PEG3: variants seen among roughly 807,000 people sequenced by gnomAD.
PEG3 encodes the protein paternally-expressed gene 3 protein.
A neutral mutation model predicts 35.5 loss-of-function variants in PEG3; 23 were observed. That is an observed-to-expected ratio of 0.65 (90% CI 0.47 to 0.92). The LOEUF is 0.92. Ranked by LOEUF, PEG3 falls within the 40% of genes least tolerant of loss-of-function variation. The pLI, the probability that PEG3 is intolerant of heterozygous loss-of-function variation, is 0.00. For missense variants in PEG3, 1,960 were observed against 1,985.3 expected, an observed-to-expected ratio of 0.99 and a Z score of 0.24; for synonymous variants, 707 against 697.0, an observed-to-expected ratio of 1.01 and a Z score of -0.23.
At chr19:56,830,899 C>T (rs1440866772) in intron 2 of PEG3, among the ~76,000 whole-genome samples, 2 of 151,506 alleles carry the variant, frequency 1.3e-5, no homozygotes, top group South Asian at 2.1e-4. Context: ...TGCATTCCAG[C>T]CTGGGTGACA....
At chr19:56,839,270 T>C (rs1196178959) in intron 1 of PEG3, among the ~76,000 whole-genome samples, 2 of 149,954 alleles carry the variant, frequency 1.3e-5, no homozygotes, top group African/African-American at 4.9e-5. Context: ...CCATCAAACA[T>C]GGCATCTAGG....
Position 56,836,010 on chromosome 19 carries a change from C to G in PEG3, c.-163+8G>C, listed in dbSNP as rs1162380033. Reference sequence around the variant, plus strand: ...AATGTGGCACTGTGAGGAGGAAATTCAACTCACCTGGACCCAGCCACCTAG... The same window carrying G: ...AATGTGGCACTGTGAGGAGGAAATTGAACTCACCTGGACCCAGCCACCTAG... On this transcript the variant is annotated splice_region_variant and intron_variant, in intron 2 of 9. Coordinates refer to ENST00000326441, the MANE Select transcript of PEG3 (RefSeq NM_006210.3). The G allele has an allele frequency of 7.8e-6, 4 of 511,042 alleles. No individual in the cohort carries two copies. Among genetic ancestry groups the G allele is most frequent in the South Asian group, 5.8e-5 (4 of 69,350 alleles). 31.7% of individuals were successfully genotyped at this position (511,042 alleles called of 1,614,324 possible). A position where few individuals can be genotyped will look rare whatever the true frequency, so the allele number is the denominator to read the frequency against.
intron 2 of PEG3, among the ~76,000 whole-genome samples, chr19:56,832,917 A>C (rs2061709953): frequency 6.6e-6 from 1 of 152,182 alleles, no homozygotes; most frequent in Non-Finnish European, 1.5e-5. Context: ...ATGACACTTT[A>C]CTTCTATTCC....
chr19:56,826,742 A>G (rs530374567), intron 2 of PEG3, among the ~76,000 whole-genome samples: 1 of 152,384 alleles, frequency 6.6e-6, no homozygotes, highest in East Asian at 1.9e-4. Flanking sequence ...GAAAGCAGAA[A>G]TAAAAGTCTT....
chr19:56,816,915 G>A lies in PEG3; in HGVS notation c.1527C>T (p.Asp509=), dbSNP rs1442237718. 6.2e-7 allele frequency: 1 copy of A among 1,614,142 alleles called. No individual in the cohort carries two copies. The highest frequency in any genetic ancestry group is 8.5e-7 in the Non-Finnish European group (1 of 1,180,028). Residue 509 remains aspartate, a synonymous_variant, in exon 10 of 10, where the codon GAC becomes GAT. Transcript: ENST00000326441. Reference sequence around the variant, plus strand: ...CACTCTTATTGAAGGTCTCTCCACAGTCCTTACATTCAAAACGTTTCCCTC... The same window carrying A: ...CACTCTTATTGAAGGTCTCTCCACAATCCTTACATTCAAAACGTTTCCCTC... ...QVGGKRFECK[D]CGETFNKSAA...
Position 56,814,281 on chromosome 19 carries a change from A to T in PEG3, c.4161T>A (p.Ile1387=). The change falls in exon 10 of 10, where the codon ATT becomes ATA. Residue 1387 remains isoleucine (I), a synonymous_variant. Coordinates refer to ENST00000326441, the MANE Select transcript of PEG3 (RefSeq NM_006210.3). This position sits in a 1 kb window ranked among gnomAD's most constrained non-coding sequence, Gnocchi z 5.8. ...NVHVPQVVLR[I]QGLNVEAAEP... is the part of the protein sequence containing the mutation. ...CAGCAGCCTCTACGTTTAAGCCCTG[A>T]ATCCTCAGAACTACTTGTGGAACAT... The T allele has an allele frequency of 6.2e-7, 1 of 1,613,948 alleles. No homozygotes were observed. Among genetic ancestry groups the T allele is most frequent in the South Asian group, 1.1e-5 (1 of 91,088 alleles).
rs1170587779 is a variant in PEG3, at chr19:56,813,442, T to A, written c.*233A>T. 1 of 1,346,900 alleles carries A rather than the reference T, an allele frequency of 7.4e-7. No individual in the cohort carries two copies. Among genetic ancestry groups the A allele is most frequent in the Non-Finnish European group, 9.5e-7 (1 of 1,049,680 alleles). The allele number at this position is 1,346,900 out of a possible 1,614,324, so 83.4% of individuals were successfully genotyped here. A position where few individuals can be genotyped will look rare whatever the true frequency, so the allele number is the denominator to read the frequency against. On this transcript the variant is annotated 3_prime_UTR_variant, in exon 10 of 10. Coordinates refer to ENST00000326441, the MANE Select transcript of PEG3 (RefSeq NM_006210.3). ...AATCTGATTACTTGGAAAGGTAAGATGTGTGCTATGGCTTTCCCACATGCA... is the reference window on the plus strand; with the variant it reads ...AATCTGATTACTTGGAAAGGTAAGAAGTGTGCTATGGCTTTCCCACATGCA...
intron 3 of PEG3, among the ~76,000 whole-genome samples, chr19:56,825,839 C>A (rs1159943918): frequency 2.6e-5 from 4 of 152,170 alleles, no homozygotes; most frequent in Admixed American, 2.6e-4. Context: ...TAAAGGAAAA[C>A]TGAAGGTGTT....
At chr19:56,838,003 A>T (rs1429454681) in intron 1 of PEG3, among the ~76,000 whole-genome samples, 1 of 152,226 alleles carries the variant, frequency 6.6e-6, no homozygotes, top group East Asian at 1.9e-4. Flanking sequence ...AAGACAAAGC[A>T]GACCCTCCCT....
rs141963592 is a variant in PEG3 at position 56,818,817 on chromosome 19, G to A, written c.670-115C>T. On this transcript the variant is annotated intron_variant, in intron 7 of 9. Coordinates refer to ENST00000326441, the MANE Select transcript of PEG3 (RefSeq NM_006210.3). ...ATGAAGTTATATAGGAAGTGCTCAC[G>A]GTATTGGGGTTCTGAGTGATCCAAG... is the stretch of plus-strand genomic sequence containing the variant. 1.3e-3 allele frequency: 1,538 copies of A among 1,189,084 alleles called. 16 individuals carry two copies. Among genetic ancestry groups the A allele is most frequent in the South Asian group, 9.4e-3 (685 of 73,178 alleles). The allele number at this position is 1,189,084 out of a possible 1,614,324, so 73.7% of individuals were successfully genotyped here. A position where few individuals can be genotyped will look rare whatever the true frequency, so the allele number is the denominator to read the frequency against.
intron 2 of PEG3, among the ~76,000 whole-genome samples, chr19:56,828,825 C>T (rs981678805): frequency 8.5e-5 from 13 of 152,052 alleles, no homozygotes; most frequent in African/African-American, 2.7e-4. Flanking sequence ...TAAAATATTA[C>T]AATAAACCTT....
rs199700994 is a variant in PEG3 at position 56,817,433 on chromosome 19, G to C, written c.1009C>G (p.Arg337Gly). 2 of 1,613,974 alleles carry C rather than the reference G, an allele frequency of 1.2e-6. No homozygotes were observed. The highest frequency in any genetic ancestry group is 1.7e-5 in the Admixed American group (1 of 60,012). The stretch of plus-strand genomic sequence containing the variant: ...GACATTCTGGGGAATCTCTGTGACC[G>C]GTCGCTTGACTCCCTTGCTCTTCCC... The part of the protein sequence containing the change: ...KSGRARESSD[R>G]SQRFPRMSDD... The change falls in exon 10 of 10, where the codon CGG becomes GGG. Residue 337 changes from arginine (R) to glycine (G), a missense_variant. By Grantham distance (125) the Arg-to-Gly change is moderately radical (BLOSUM62 -2). Around this residue, in one of 5 missense-constraint regions of PEG3, gnomAD observed 613 missense variants for 577.1 expected, o/e 1.06. Transcript: ENST00000326441.
At chr19:56,835,368 G>A (rs906778119) in intron 2 of PEG3, among the ~76,000 whole-genome samples, 61 of 152,200 alleles carry the variant, frequency 4.0e-4, no homozygotes, top group African/African-American at 1.4e-3. Context: ...GCCACTCAAC[G>A]ATTCCCTTGC....
chr19:56,831,063 CA>C (rs2061527309), intron 2 of PEG3, among the ~76,000 whole-genome samples: 2 of 152,248 alleles, frequency 1.3e-5, no homozygotes, highest in South Asian at 4.1e-4. Context: ...GGAGTTTTGA[CA>C]AACTGATAAT....
chr19:56,818,572 G>A (rs367959250), intron 8 of PEG3, 28 bp downstream of exon 8: 5 of 1,612,218 alleles, frequency 3.1e-6, no homozygotes, highest in Non-Finnish European at 3.4e-6. Context: ...GACTGGACTG[G>A]GAGTGACTGA....
At chr19:56,822,951 G>T in intron 5 of PEG3, 115 bp from the exon 6 acceptor site, 1 of 1,395,354 alleles carries the variant, frequency 7.2e-7, no homozygotes. Flanking sequence ...ACAAGGAGAT[G>T]GATCCAAAAC....
rs769835838 is a variant in PEG3 at position 56,819,590 on chromosome 19, T to G, written c.670-888A>C. On this transcript the variant is annotated intron_variant, in intron 7 of 9. Transcript: ENST00000326441. ...CAGGCTTTGGAGCTGGACAGAGATC[T>G]GGGTCAAAGAAGGATTGCACCAATT... Among the ~76,000 whole-genome samples the G allele has an allele frequency of 2.0e-5, 3 of 152,310 alleles. No homozygotes were observed. In the East Asian group the frequency reaches 5.8e-4, roughly 29 times the overall value.
intron 2 of PEG3, among the ~76,000 whole-genome samples, chr19:56,827,845 C>G (rs1279920086): frequency 6.6e-6 from 1 of 151,898 alleles, no homozygotes; most frequent in Non-Finnish European, 1.5e-5. Context: ...TTCTCAGAAA[C>G]TAAAAAAAGA....
chr19:56,816,999 C>A lies in PEG3; in HGVS notation c.1443G>T (p.Glu481Asp). ...CACTGTGGATAAAGGACTCACCATA[C>A]TCATAGAGGTTCTCTCTAGTATGCA... ...QIMHTRENLY[E>D]YGESFIHSVA... The change falls in exon 10 of 10, where the codon GAG (glutamate) becomes GAT (aspartate). Residue 481 changes from glutamate (E) to aspartate (D), a missense_variant. Glu to Asp is a conservative substitution (Grantham distance 45). This residue lies in a region of PEG3 where 798 missense variants were observed against 782.4 expected (regional missense o/e 1.02). Transcript: ENST00000326441. 6.2e-7 allele frequency: 1 copy of A among 1,614,164 alleles called. No individual in the cohort carries two copies. Among genetic ancestry groups the A allele is most frequent in the Non-Finnish European group, 8.5e-7 (1 of 1,179,974 alleles).
Sources: allele counts gnomAD v4.1 joint callset (sites outside exome capture counted in the v4.1 genomes callset), GRCh38; gene constraint gnomAD v4.1.1; regional missense constraint gnomAD v4.1.1; non-coding constraint Gnocchi (gnomAD v3.1); transcripts MANE v1.5; gene names NCBI Gene and HGNC (gene_info 2026-07-23, HGNC 2026-07-21).